The following PPP2R3B variants were observed in gnomAD, a reference collection of about 807,000 sequenced individuals.
PPP2R3B encodes the protein protein phosphatase 2 regulatory subunit B''beta, also known as serine/threonine-protein phosphatase 2A regulatory subunit B'' subunit beta.
Under a neutral mutation model 72.9 loss-of-function variants are expected in PPP2R3B, and 68 were observed. That is an observed-to-expected ratio of 0.93 (90% CI 0.77 to 1.14). PPP2R3B has a LOEUF of 1.14. PPP2R3B is among the 50% of genes most tolerant of loss of function. The pLI, the probability that PPP2R3B is intolerant of heterozygous loss-of-function variation, is 0.00. For missense variants in PPP2R3B, 1,018 were observed against 842.0 expected (o/e 1.21, Z -2.59); for synonymous variants, 466 against 375.8 (o/e 1.24, Z -2.78).
intron 1 of PPP2R3B, among the ~76,000 whole-genome samples, chrX:383,854 A>AAAAC (rs1569421211): frequency 1.4e-5 from 2 of 140,924 alleles, no homozygotes; most frequent in African/African-American, 3.1e-5. Flanking sequence ...AAAAAAAAAA[A>AAAAC]AAAAAAAAAA....
At chrX:363,538 CGAGCCCGCGATCCCGCAGTGCATCTCCAT>C (rs2071600645) in intron 1 of PPP2R3B, among the ~76,000 whole-genome samples, 2 of 136,378 alleles carry the variant, frequency 1.5e-5, no homozygotes, top group Non-Finnish European at 3.2e-5. Flanking sequence ...TGCATCTCCC[CGAGCCCGCGATCCCGCAGTGCATCTCCAT>C]GAGTCCACGA....
chrX:364,707 G>C (rs1456383712), intron 1 of PPP2R3B, among the ~76,000 whole-genome samples: 3 of 54,868 alleles, frequency 5.5e-5, no homozygotes, highest in African/African-American at 1.4e-4. Flanking sequence ...GACAGAGTGA[G>C]ACTCTGTCTC....
intron 10 of PPP2R3B, 56 bp from the exon 11 acceptor site, chrX:338,952 T>C (rs1210507276): frequency 6.8e-7 from 1 of 1,462,446 alleles, no homozygotes; most frequent in Non-Finnish European, 9.6e-7. Flanking sequence ...CTTCGGGGCC[T>C]GGGTGTGGGG....
intron 2 of PPP2R3B, among the ~76,000 whole-genome samples, chrX:350,776 G>C (rs1191084908): frequency 6.6e-6 from 1 of 152,228 alleles, no homozygotes; most frequent in African/African-American, 2.4e-5. Flanking sequence ...GCAGCTGCCG[G>C]GAAAGCGGCC....
At chrX:363,246 C>T (rs1603094100) in intron 1 of PPP2R3B, among the ~76,000 whole-genome samples, 1 of 141,458 alleles carries the variant, frequency 7.1e-6, no homozygotes, top group Admixed American at 6.9e-5. Context: ...AGTGCATCTC[C>T]CCGAGCCCAT....
chrX:339,161 C>T (rs1206068605), intron 10 of PPP2R3B, among the ~76,000 whole-genome samples: 12 of 151,392 alleles, frequency 7.9e-5, no homozygotes, highest in African/African-American at 1.2e-4. Flanking sequence ...CAGGGAGGCG[C>T]GGCCAGCAGG....
chrX:359,706 A>C (rs2071503300), intron 2 of PPP2R3B: 5 of 384,838 alleles, frequency 1.3e-5, no homozygotes, highest in South Asian at 9.9e-5. Flanking sequence ...GCAAGTGTAC[A>C]ACAGCATGCT....
chrX:369,962 C>A (rs903186604), intron 1 of PPP2R3B, among the ~76,000 whole-genome samples: 1 of 152,146 alleles, frequency 6.6e-6, no homozygotes, highest in African/African-American at 2.4e-5. Context: ...CCAGCTGAGC[C>A]CCTCGCCCAC....
intron 1 of PPP2R3B, among the ~76,000 whole-genome samples, chrX:370,021 G>A (rs2071822779): frequency 6.6e-6 from 1 of 152,184 alleles, no homozygotes; most frequent in Admixed American, 6.5e-5. Flanking sequence ...CAAGCTCTGA[G>A]CATTCTTCTC....
At chrX:383,837 C>CAAAAAAAA (rs757960788) in intron 1 of PPP2R3B, among the ~76,000 whole-genome samples, 40 of 45,614 alleles carry the variant, frequency 8.8e-4, no homozygotes, top group East Asian at 1.7e-3. Flanking sequence ...GACTCCGTCT[C>CAAAAAAAA]AAAAAAAAAA....
At position 338,574 on chromosome X, in the gene PPP2R3B, TC is replaced by T. The variant is rs754939564; in HGVS notation, c.1577+29del. 1.4e-5 allele frequency: 20 copies of T among 1,445,818 alleles called. 1 individual carries two copies. In the South Asian group the frequency reaches 2.0e-4, roughly 14 times the overall value. The allele number at this position is 1,445,818 out of a possible 1,614,324, so 89.6% of individuals were successfully genotyped here. A position where few individuals can be genotyped will look rare whatever the true frequency, so the allele number is the denominator to read the frequency against. ...ACTCACCCGTCCTCCCACTGACCCGTCCCCCCACTCACCCGTCCTCCCCACT... is the reference window on the plus strand; with the variant it reads ...ACTCACCCGTCCTCCCACTGACCCGTCCCCCACTCACCCGTCCTCCCCACT... On this transcript the variant is annotated intron_variant, in intron 12 of 12. Transcript: ENST00000390665.
chrX:347,755 G>A lies in PPP2R3B; in HGVS notation c.511-62C>T, dbSNP rs560577410. ...GCCTGGACGCCGGCGCTCCTGCTGC[G>A]TACCTCGCGCCTGACCGACGCCGCC... On this transcript the variant is annotated intron_variant, in intron 2 of 12. Coordinates refer to ENST00000390665, the MANE Select transcript of PPP2R3B (RefSeq NM_013239.5). The A allele has an allele frequency of 1.1e-4, 147 of 1,293,480 alleles. 2 individuals carry two copies. In the African/African-American group the frequency reaches 1.5e-3, roughly 13 times the overall value. The allele number at this position is 1,293,480 out of a possible 1,614,324, so 80.1% of individuals were successfully genotyped here. A position where few individuals can be genotyped will look rare whatever the true frequency, so the allele number is the denominator to read the frequency against.
intron 2 of PPP2R3B, among the ~76,000 whole-genome samples, chrX:361,013 G>A (rs1225991010): frequency 2.6e-5 from 4 of 152,180 alleles, no homozygotes; most frequent in Non-Finnish European, 5.9e-5. Context: ...GCCGCTCCTC[G>A]GGCAGAAAGG....
intron 1 of PPP2R3B, among the ~76,000 whole-genome samples, chrX:385,659 G>A (rs1449518326): frequency 6.6e-6 from 1 of 152,156 alleles, no homozygotes; most frequent in South Asian, 2.1e-4. Context: ...AAATTAGCCT[G>A]GCGTGATGGT....
At chrX:341,487 G>A in intron 8 of PPP2R3B, 91 bp from the exon 9 acceptor site, 3 of 1,341,334 alleles carry the variant, frequency 2.2e-6, no homozygotes, top group South Asian at 1.2e-5. Context: ...TCGGTGAGGG[G>A]AGCCCCCCGG....
rs6645065 is a variant in PPP2R3B, at chrX:334,125, A to T, written c.*242T>A. ...GGCTGGGTCGGGAACGGCAAGCGCC[A>T]GAGGGTGTCCGTGTGGGAACCCGTC... On this transcript the variant is annotated 3_prime_UTR_variant, in exon 13 of 13. Coordinates refer to ENST00000390665, the MANE Select transcript of PPP2R3B (RefSeq NM_013239.5). 2.0e-5 allele frequency: 8 copies of T among 407,836 alleles called. No individual in the cohort carries two copies. In the South Asian group the frequency reaches 2.4e-4, roughly 12 times the overall value. The allele number at this position is 407,836 out of a possible 1,614,324, so 25.3% of individuals were successfully genotyped here. A position where few individuals can be genotyped will look rare whatever the true frequency, so the allele number is the denominator to read the frequency against.
intron 5 of PPP2R3B, 131 bp from the exon 6 acceptor site, chrX:346,391 G>T: frequency 4.4e-6 from 4 of 907,250 alleles, no homozygotes; most frequent in Non-Finnish European, 6.7e-6. Flanking sequence ...CACAGGCGGG[G>T]GCAGAGGGAA....
At chrX:355,294 G>A (rs1252802787) in intron 2 of PPP2R3B, among the ~76,000 whole-genome samples, 2 of 152,218 alleles carry the variant, frequency 1.3e-5, no homozygotes, top group African/African-American at 4.8e-5. Flanking sequence ...GGGTATCAAT[G>A]TGATGAACCG....
intron 1 of PPP2R3B, among the ~76,000 whole-genome samples, chrX:375,578 G>A (rs1332309072): frequency 2.0e-5 from 3 of 150,720 alleles, no homozygotes; most frequent in Non-Finnish European, 3.0e-5. Flanking sequence ...ACAGGACAGA[G>A]GTGCCGCCCA....
Sources: gnomAD v4.1 joint callset for allele counts (sites outside exome capture counted in the v4.1 genomes callset) on GRCh38, gnomAD v4.1.1 for gene constraint, MANE v1.5 for transcripts, NCBI Gene and HGNC (gene_info 2026-07-23, HGNC 2026-07-21) for gene names.